Variants in EBF1 observed in about 807,000 individuals in gnomAD.
The protein encoded by EBF1 is EBF transcription factor 1, also known as transcription factor COE1.
A neutral mutation model predicts 68.4 loss-of-function variants in EBF1; 10 were observed. The observed-to-expected ratio is 0.15, with a 90% CI of 0.09 to 0.25. EBF1 has a LOEUF of 0.25. Ranked by LOEUF, EBF1 falls within the 10% of genes least tolerant of loss-of-function variation. The probability of loss-of-function intolerance (pLI) is 1.00; values close to 1 mark genes in which losing one functional copy is unlikely to be tolerated. For synonymous variants in EBF1, 298 were observed against 299.8 expected (o/e 0.99, Z 0.06); for missense variants, 509 against 794.4 (o/e 0.64, Z 4.32).
chr5:158,750,313 T>G (rs1393712000), intron 10 of EBF1, among the ~76,000 whole-genome samples: 2 of 152,134 alleles, frequency 1.3e-5, no homozygotes, highest in Non-Finnish European at 1.5e-5. Context: ...CCGACATCCA[T>G]TAGACAGGGT....
intron 9 of EBF1, among the ~76,000 whole-genome samples, chr5:158,788,563 A>G (rs1237356776): frequency 6.6e-6 from 1 of 152,208 alleles, no homozygotes; most frequent in Admixed American, 6.5e-5. Flanking sequence ...TAAAGGTTGT[A>G]TAAGGTAGAA....
chr5:158,872,402 G>T (rs1430055569), intron 6 of EBF1, among the ~76,000 whole-genome samples: 1 of 151,980 alleles, frequency 6.6e-6, no homozygotes, highest in South Asian at 2.1e-4. Context: ...TTATCATGTT[G>T]TCCAGGCTGG....
At chr5:158,776,919 G>A (rs907003319) in intron 10 of EBF1, among the ~76,000 whole-genome samples, 4 of 152,198 alleles carry the variant, frequency 2.6e-5, no homozygotes, top group Non-Finnish European at 5.9e-5. Context: ...CCGCAAGGCG[G>A]ATCCATGTGC....
At chr5:158,865,591 G>A (rs1337389238) in intron 6 of EBF1, among the ~76,000 whole-genome samples, 1 of 152,140 alleles carries the variant, frequency 6.6e-6, no homozygotes, top group African/African-American at 2.4e-5. Context: ...TCTAAAATCT[G>A]CATTTGTTCA....
chr5:158,792,031 A>G (rs1313600450), intron 9 of EBF1, among the ~76,000 whole-genome samples: 1 of 152,132 alleles, frequency 6.6e-6, no homozygotes, highest in South Asian at 2.1e-4. Context: ...CCTGCTCCAA[A>G]TCACATGTTG....
intron 1 of EBF1, 54 bp from the exon 2 acceptor site, chr5:159,097,184 C>A: frequency 6.4e-7 from 1 of 1,568,354 alleles, no homozygotes; most frequent in South Asian, 1.2e-5. Flanking sequence ...ACCCGCGCCC[C>A]TTGTCACCCT....
chr5:159,087,219 A>G (rs1189182730), intron 4 of EBF1, among the ~76,000 whole-genome samples: 1 of 150,668 alleles, frequency 6.6e-6, no homozygotes, highest in African/African-American at 2.4e-5. Context: ...GTAAGCTGGT[A>G]AATAAATTCA....
rs541155000 is a variant in EBF1 at position 158,982,008 on chromosome 5, T to G, written c.554+91388A>C. On this transcript the variant is annotated intron_variant, in intron 6 of 15. Transcript: ENST00000313708. ...AATATCATTTTAAAATTGCATCCAG[T>G]TCACTCAATCAGAACTTGTTTGTGT... is the stretch of plus-strand genomic sequence containing the variant. 7.2e-5 allele frequency among the ~76,000 whole-genome samples: 11 copies of G among 152,330 alleles called. No individual in the cohort carries two copies. In the East Asian group the frequency reaches 2.1e-3, roughly 29 times the overall value.
intron 6 of EBF1, among the ~76,000 whole-genome samples, chr5:158,966,672 C>T (rs550910165): frequency 1.3e-5 from 2 of 152,184 alleles, no homozygotes; most frequent in South Asian, 4.1e-4. Context: ...ATCGTAACTA[C>T]CCTGAAAGCA....
rs149511820 is a variant in EBF1 at position 159,055,526 on chromosome 5, G to A, written c.554+17870C>T. The stretch of plus-strand genomic sequence containing the variant: ...ATCAGAATGAGCAATTTAATGTGTC[G>A]AGCCTTTAACAGAACCAAAGCATGC... On this transcript the variant is annotated intron_variant, in intron 6 of 15. Transcript: ENST00000313708. Among the ~76,000 whole-genome samples the A allele has an allele frequency of 2.5e-3, 379 of 152,220 alleles. 1 individual carries two copies. The Middle Eastern group carries it at 0.027, about 11-fold the overall frequency.
chr5:158,761,270 T>C (rs923017309), intron 10 of EBF1, among the ~76,000 whole-genome samples: 1 of 152,218 alleles, frequency 6.6e-6, no homozygotes, highest in Non-Finnish European at 1.5e-5. Flanking sequence ...GCTAAGTGTT[T>C]AAAACATCAG....
chr5:158,902,757 A>G (rs1803701885), intron 6 of EBF1, among the ~76,000 whole-genome samples: 2 of 152,072 alleles, frequency 1.3e-5, no homozygotes, highest in South Asian at 4.1e-4. Context: ...AGCCCAGCCC[A>G]AAAGGCTTCT....
At chr5:159,068,238 A>G (rs1045750659) in intron 6 of EBF1, among the ~76,000 whole-genome samples, 3 of 152,160 alleles carry the variant, frequency 2.0e-5, no homozygotes, top group African/African-American at 7.2e-5. Context: ...ACAAAAAATA[A>G]ATAAATATTG....
At chr5:158,734,474 T>C (rs1026140063) in intron 10 of EBF1, among the ~76,000 whole-genome samples, 2 of 152,070 alleles carry the variant, frequency 1.3e-5, no homozygotes, top group South Asian at 2.1e-4. Context: ...TATGTGACTA[T>C]TCATAAACTC....
chr5:159,007,637 A>G (rs966187748), intron 6 of EBF1, among the ~76,000 whole-genome samples: 4 of 152,222 alleles, frequency 2.6e-5, no homozygotes, highest in African/African-American at 9.6e-5. Flanking sequence ...ATATTCCTCC[A>G]TGAATGACCA....
chr5:159,074,618 A>G (rs2127948955), intron 5 of EBF1, among the ~76,000 whole-genome samples: 1 of 152,358 alleles, frequency 6.6e-6, no homozygotes, highest in African/African-American at 2.4e-5. Flanking sequence ...ACCCAGAAAT[A>G]TACTCCTGCG....
chr5:158,752,993 T>C (rs1422250822), intron 10 of EBF1, among the ~76,000 whole-genome samples: 1 of 152,102 alleles, frequency 6.6e-6, no homozygotes, highest in Non-Finnish European at 1.5e-5. Flanking sequence ...GTATGTTCTT[T>C]AAAGTGAATT....
intron 8 of EBF1, among the ~76,000 whole-genome samples, chr5:158,819,227 C>A (rs1050441992): frequency 6.6e-6 from 1 of 152,206 alleles, no homozygotes; most frequent in African/African-American, 2.4e-5. Flanking sequence ...AGTGTATTCA[C>A]AGGCATTTGC....
chr5:158,736,404 A>G (rs1020201175), intron 10 of EBF1, among the ~76,000 whole-genome samples: 1 of 151,704 alleles, frequency 6.6e-6, no homozygotes, highest in Non-Finnish European at 1.5e-5. Context: ...TAGCTCAGCG[A>G]CTCACTGCCG....
Sources: gnomAD v4.1 joint callset for allele counts (sites outside exome capture counted in the v4.1 genomes callset) on GRCh38, gnomAD v4.1.1 for gene constraint, MANE v1.5 for transcripts, NCBI Gene and HGNC (gene_info 2026-07-23, HGNC 2026-07-21) for gene names.